CAMK2A: variants seen among roughly 807,000 people sequenced by gnomAD.
CAMK2A encodes calcium/calmodulin dependent protein kinase II alpha.
A neutral mutation model predicts 79.2 loss-of-function variants in CAMK2A; 7 were observed. The observed-to-expected ratio is 0.09, with a 90% CI of 0.05 to 0.17. CAMK2A has a LOEUF of 0.17. CAMK2A is among the 10% of genes least tolerant of loss of function. The pLI, the probability that CAMK2A is intolerant of heterozygous loss-of-function variation, is 1.00. For missense variants in CAMK2A, 214 were observed against 646.4 expected, an observed-to-expected ratio of 0.33 and a Z score of 7.25; for synonymous variants, 242 against 251.7, an observed-to-expected ratio of 0.96 and a Z score of 0.36.
At chr5:150,264,019 A>C (rs1431094656) in intron 3 of CAMK2A, among the ~76,000 whole-genome samples, 2 of 152,144 alleles carry the variant, frequency 1.3e-5, no homozygotes, top group Non-Finnish European at 2.9e-5. Context: ...GGGCACGGAG[A>C]GAGGCTTCCC....
intron 2 of CAMK2A, among the ~76,000 whole-genome samples, chr5:150,266,621 T>C (rs1188821197): frequency 6.6e-6 from 1 of 152,030 alleles, no homozygotes; most frequent in African/African-American, 2.4e-5. Context: ...CTGCCCAAAG[T>C]CAATCCCGCA....
At chr5:150,286,997 G>A (rs745482347) in intron 1 of CAMK2A, among the ~76,000 whole-genome samples, 26 of 152,212 alleles carry the variant, frequency 1.7e-4, no homozygotes, top group Non-Finnish European at 3.1e-4. Flanking sequence ...TAAAGAGGTA[G>A]CATAGCCTGC....
At chr5:150,286,193 T>C (rs908038916) in intron 1 of CAMK2A, among the ~76,000 whole-genome samples, 1 of 152,230 alleles carries the variant, frequency 6.6e-6, no homozygotes, top group African/African-American at 2.4e-5. Flanking sequence ...CGAAGAGGGA[T>C]GAGCTCATCT....
intron 4 of CAMK2A, among the ~76,000 whole-genome samples, chr5:150,257,123 T>C (rs1270610847): frequency 6.6e-6 from 1 of 152,152 alleles, no homozygotes. Context: ...ACTAGGCTCA[T>C]TAGGAAGCCT....
chr5:150,268,085 G>A (rs570083270), intron 2 of CAMK2A, among the ~76,000 whole-genome samples: 3 of 151,976 alleles, frequency 2.0e-5, no homozygotes, highest in African/African-American at 7.3e-5. Context: ...ATGCTGGCCT[G>A]GTCAGGCTGG....
At chr5:150,226,393 C>G (rs1329737818) in intron 17 of CAMK2A, among the ~76,000 whole-genome samples, 1 of 152,098 alleles carries the variant, frequency 6.6e-6, no homozygotes, top group African/African-American at 2.4e-5. Flanking sequence ...ACTGAAGTAC[C>G]TTCTTTGTTA....
chr5:150,244,143 G>T (rs1408894409), intron 13 of CAMK2A, among the ~76,000 whole-genome samples: 1 of 152,182 alleles, frequency 6.6e-6, no homozygotes, highest in Non-Finnish European at 1.5e-5. Flanking sequence ...TCTTGGAAAT[G>T]ATCATCAAAT....
chr5:150,281,733 G>A (rs185747823), intron 1 of CAMK2A, among the ~76,000 whole-genome samples: 1 of 152,286 alleles, frequency 6.6e-6, no homozygotes, highest in African/African-American at 2.4e-5. Context: ...AAGGGGGAGA[G>A]TACCCACAGC....
Position 150,222,673 on chromosome 5 carries a change from C to T in CAMK2A, c.*37G>A. On this transcript the variant is annotated 3_prime_UTR_variant, in exon 19 of 19. Transcript: ENST00000671881. Reference sequence around the variant, plus strand: ...TCCACTCCACGGACAGAGTGGATCTCTGCGGCACAGCAACGCAGCGACCCC... The same window carrying T: ...TCCACTCCACGGACAGAGTGGATCTTTGCGGCACAGCAACGCAGCGACCCC... 6.2e-7 allele frequency: 1 copy of T among 1,613,304 alleles called. No homozygotes were observed. Among genetic ancestry groups the T allele is most frequent in the Non-Finnish European group, 8.5e-7 (1 of 1,179,312 alleles).
chr5:150,244,665 G>A (rs1755483428), intron 13 of CAMK2A, among the ~76,000 whole-genome samples: 1 of 152,182 alleles, frequency 6.6e-6, no homozygotes, highest in Non-Finnish European at 1.5e-5. Flanking sequence ...AGCCTTGCCG[G>A]GAGGGGGCAC....
chr5:150,248,860 T>C (rs1401153451), intron 11 of CAMK2A, among the ~76,000 whole-genome samples: 1 of 152,318 alleles, frequency 6.6e-6, no homozygotes. Context: ...GGATTCTCAA[T>C]GTAGAGAAAG....
chr5:150,266,434 C>T (rs199688914), intron 2 of CAMK2A, among the ~76,000 whole-genome samples: 2 of 152,140 alleles, frequency 1.3e-5, no homozygotes, highest in Non-Finnish European at 2.9e-5. Context: ...TGGTAGTTAA[C>T]GCCTTAATTT....
chr5:150,274,742 CA>C (rs1756882538), intron 1 of CAMK2A, among the ~76,000 whole-genome samples: 1 of 150,450 alleles, frequency 6.6e-6, no homozygotes, highest in Admixed American at 6.6e-5. Context: ...TCACATGGTT[CA>C]TAACAGGCAG....
chr5:150,264,600 G>A (rs539253531), intron 3 of CAMK2A, among the ~76,000 whole-genome samples: 3 of 152,206 alleles, frequency 2.0e-5, no homozygotes, highest in Non-Finnish European at 2.9e-5. Context: ...ACGGTGCCAG[G>A]CTGAATCGGC....
At chr5:150,260,911 A>G (rs866242886) in intron 3 of CAMK2A, among the ~76,000 whole-genome samples, 9 of 152,172 alleles carry the variant, frequency 5.9e-5, no homozygotes, top group Non-Finnish European at 1.3e-4. Flanking sequence ...CTGGTGGGCC[A>G]TCATCTCTAA....
chr5:150,226,503 G>T (rs576774080), intron 17 of CAMK2A, among the ~76,000 whole-genome samples: 1 of 152,028 alleles, frequency 6.6e-6, no homozygotes, highest in African/African-American at 2.4e-5. Flanking sequence ...TTGGGAGGCC[G>T]AGGCAGGCAG....
chr5:150,268,837 G>T (rs555088167), intron 2 of CAMK2A, among the ~76,000 whole-genome samples: 2 of 152,300 alleles, frequency 1.3e-5, no homozygotes, highest in African/African-American at 4.8e-5. Context: ...ACGGCTCACT[G>T]CAGCCTCTAC....
chr5:150,251,910 G>A (rs1580923982), intron 8 of CAMK2A, 66 bp from the exon 9 acceptor site: 1 of 1,549,788 alleles, frequency 6.5e-7, no homozygotes, highest in East Asian at 2.2e-5. Context: ...GGGGAGTGAT[G>A]GGAAAGGAGA....
intron 2 of CAMK2A, among the ~76,000 whole-genome samples, chr5:150,271,663 C>T: frequency 6.6e-6 from 1 of 152,354 alleles, no homozygotes; most frequent in East Asian, 1.9e-4. Context: ...CCCTCCACCA[C>T]CAGGCGGTCC....
Sources: gnomAD v4.1 joint callset for allele counts (sites outside exome capture counted in the v4.1 genomes callset) on GRCh38, gnomAD v4.1.1 for gene constraint, MANE v1.5 for transcripts, NCBI Gene and HGNC (gene_info 2026-07-23, HGNC 2026-07-21) for gene names.